The following TMEM178A variants were observed in gnomAD, a reference collection of about 807,000 sequenced individuals.
The protein encoded by TMEM178A is transmembrane protein 178.
In TMEM178A, 12 loss-of-function variants were observed where a neutral mutation model predicts 29.1. That is an observed-to-expected ratio of 0.41 (90% CI 0.26 to 0.67). The LOEUF (loss-of-function observed/expected upper bound fraction) is 0.67, where lower values mean the gene tolerates loss of function less well. Ranked by LOEUF, TMEM178A falls within the 30% of genes least tolerant of loss-of-function variation. The pLI is 0.29. For missense variants in TMEM178A, 366 were observed against 419.1 expected, an observed-to-expected ratio of 0.87 and a Z score of 1.11; for synonymous variants, 210 against 187.2, an observed-to-expected ratio of 1.12 and a Z score of -0.99.
chr2:39,716,730 A>G (rs1672557141), intron 3 of TMEM178A, among the ~76,000 whole-genome samples: 1 of 152,210 alleles, frequency 6.6e-6, no homozygotes, highest in Non-Finnish European at 1.5e-5. Flanking sequence ...TCCAATATAT[A>G]TAACCATTTG....
chr2:39,729,569 A>G, the TMEM178A span, among the ~76,000 whole-genome samples: 12 of 152,176 alleles, frequency 7.9e-5, no homozygotes, highest in Non-Finnish European at 1.8e-4. Context: ...CAATATTCGC[A>G]TGTAAAATAT....
downstream of TMEM178A, among the ~76,000 whole-genome samples, chr2:39,721,297 G>A (rs1412158443): frequency 6.6e-6 from 1 of 152,232 alleles, no homozygotes; most frequent in Non-Finnish European, 1.5e-5. Flanking sequence ...TGTTTTGCCA[G>A]GCATCAAAGC....
chr2:39,720,202 A>C (rs1672674158), downstream of TMEM178A, among the ~76,000 whole-genome samples: 2 of 152,194 alleles, frequency 1.3e-5, no homozygotes, highest in South Asian at 2.1e-4. Context: ...AAGTTAAAAA[A>C]ATACTAACTT....
intron 3 of TMEM178A, among the ~76,000 whole-genome samples, chr2:39,708,807 A>G (rs1672174515): frequency 6.6e-6 from 1 of 152,152 alleles, no homozygotes; most frequent in African/African-American, 2.4e-5. Context: ...TTGTCTAAAA[A>G]TGTGCCAGGT....
chr2:39,674,420 A>T (rs1670527970), intron 1 of TMEM178A, among the ~76,000 whole-genome samples: 1 of 152,214 alleles, frequency 6.6e-6, no homozygotes, highest in East Asian at 1.9e-4. Context: ...AGGAATGGAA[A>T]ACCAAACGTT....
intron 1 of TMEM178A, among the ~76,000 whole-genome samples, chr2:39,694,063 A>G (rs1399505476): frequency 2.0e-5 from 3 of 150,634 alleles, no homozygotes; most frequent in African/African-American, 7.3e-5. Context: ...TTTGGCCCCT[A>G]GAGATAATGT....
intron 3 of TMEM178A, among the ~76,000 whole-genome samples, chr2:39,713,768 A>T (rs1213693054): frequency 6.6e-6 from 1 of 152,252 alleles, no homozygotes; most frequent in East Asian, 1.9e-4. Flanking sequence ...ACTATAAGAC[A>T]TGTATGTGGA....
chr2:39,694,693 A>G (rs965946631), intron 1 of TMEM178A, among the ~76,000 whole-genome samples: 4 of 152,254 alleles, frequency 2.6e-5, no homozygotes, highest in African/African-American at 4.8e-5. Flanking sequence ...AAGACTTAGT[A>G]TGAAAAAACT....
Position 39,685,190 on chromosome 2 carries a change from C to G in TMEM178A, c.400+18816C>G, listed in dbSNP as rs942825106. ...ATTCCCTCCATGGTCTAGCCGCCTC[C>G]TTCCTTTCTAGCAACTTCTTCAGTG... On this transcript the variant is annotated intron_variant, in intron 1 of 3. Transcript: ENST00000281961. Among the ~76,000 whole-genome samples, 4 of 152,186 alleles carry G rather than the reference C, an allele frequency of 2.6e-5. No homozygotes were observed. In the East Asian group the frequency reaches 7.7e-4, roughly 29 times the overall value.
intron 1 of TMEM178A, among the ~76,000 whole-genome samples, chr2:39,667,467 A>G (rs562417517): frequency 3.2e-4 from 49 of 151,696 alleles, no homozygotes; most frequent in Middle Eastern, 3.4e-3. Context: ...AAAAATCAAC[A>G]TCTCTTCTCT....
At chr2:39,732,964 C>T in the TMEM178A span, among the ~76,000 whole-genome samples, 2 of 152,172 alleles carry the variant, frequency 1.3e-5, no homozygotes, top group African/African-American at 4.8e-5. Flanking sequence ...ATGGTATTGC[C>T]TTTGTTTATT....
intron 1 of TMEM178A, among the ~76,000 whole-genome samples, chr2:39,696,277 C>T (rs915885502): frequency 2.0e-5 from 3 of 152,150 alleles, no homozygotes; most frequent in African/African-American, 7.2e-5. Flanking sequence ...ATTGTTCAGG[C>T]AGCTGTTGCC....
intron 1 of TMEM178A, among the ~76,000 whole-genome samples, chr2:39,678,999 A>G (rs568671170): frequency 2.0e-5 from 3 of 152,204 alleles, no homozygotes; most frequent in Admixed American, 1.3e-4. Flanking sequence ...TTTCCTCTCT[A>G]GCTTTCCTTG....
intron 1 of TMEM178A, among the ~76,000 whole-genome samples, chr2:39,686,038 T>C: frequency 6.6e-6 from 1 of 152,208 alleles, no homozygotes. Context: ...CGTGCCTTGG[T>C]GACTAGTGGT....
downstream of TMEM178A, among the ~76,000 whole-genome samples, chr2:39,719,694 T>C (rs72936037): frequency 0.028 from 4,280 of 152,268 alleles, 193 homozygotes; most frequent in African/African-American, 0.096. Flanking sequence ...ATTGAAATCC[T>C]TTGTTCTATG....
chr2:39,679,564 T>A (rs2148064566), intron 1 of TMEM178A, among the ~76,000 whole-genome samples: 1 of 152,268 alleles, frequency 6.6e-6, no homozygotes, highest in South Asian at 2.1e-4. Context: ...TATATCATTA[T>A]GTAGGTGTTT....
chr2:39,690,713 A>G (rs1671276411), intron 1 of TMEM178A, among the ~76,000 whole-genome samples: 2 of 152,248 alleles, frequency 1.3e-5, no homozygotes, highest in South Asian at 2.1e-4. Flanking sequence ...CTACTAAAAG[A>G]AAAAAATAAA....
rs1671945129 is a variant in TMEM178A at position 39,704,661 on chromosome 2, C to A, written c.514+467C>A. On this transcript the variant is annotated intron_variant, in intron 2 of 3. Transcript: ENST00000281961. ...TAATTTTCTCAGAGGGTGTCTACATCTCAATGAAAGGAACTATTCTTTTTC... is the reference window on the plus strand; with the variant it reads ...TAATTTTCTCAGAGGGTGTCTACATATCAATGAAAGGAACTATTCTTTTTC... 2.6e-5 allele frequency among the ~76,000 whole-genome samples: 4 copies of A among 152,120 alleles called. 1 individual carries two copies. The highest frequency in any genetic ancestry group is 2.6e-4 in the Admixed American group (4 of 15,266).
chr2:39,729,679 C>T, the TMEM178A span, among the ~76,000 whole-genome samples: 1 of 152,184 alleles, frequency 6.6e-6, no homozygotes, highest in African/African-American at 2.4e-5. Flanking sequence ...TTCCATTCCT[C>T]CTCTAGTTCC....
Sources: gnomAD v4.1 joint callset for allele counts (sites outside exome capture counted in the v4.1 genomes callset) on GRCh38, gnomAD v4.1.1 for gene constraint, MANE v1.5 for transcripts, NCBI Gene and HGNC (gene_info 2026-07-23, HGNC 2026-07-21) for gene names.